The following NSMCE1 variants were observed in gnomAD, a reference collection of about 807,000 sequenced individuals.
The protein encoded by NSMCE1 is NSE1 component of SMC5/6 complex.
A neutral mutation model predicts 29.6 loss-of-function variants in NSMCE1; 18 were observed. That is an observed-to-expected ratio of 0.61 (90% CI 0.42 to 0.90). The LOEUF is 0.90. Ranked by LOEUF, NSMCE1 falls within the 40% of genes least tolerant of loss-of-function variation. NSMCE1 has a pLI of 0.00. For synonymous variants in NSMCE1, 124 were observed against 133.4 expected (o/e 0.93, Z 0.49); for missense variants, 314 against 343.6 (o/e 0.91, Z 0.68).
At chr16:27,237,113 G>A (rs776439211) in intron 2 of NSMCE1, among the ~76,000 whole-genome samples, 16 of 152,258 alleles carry the variant, frequency 1.1e-4, no homozygotes, top group Non-Finnish European at 1.6e-4. Flanking sequence ...AATGTGCCAT[G>A]CTCAGCGAGG....
At chr16:27,250,996 C>T (rs996592881) in intron 2 of NSMCE1, among the ~76,000 whole-genome samples, 5 of 147,466 alleles carry the variant, frequency 3.4e-5, no homozygotes, top group African/African-American at 9.8e-5. Context: ...CATGCACCAC[C>T]GTGCCCAGCT....
At chr16:27,248,907 C>G (rs2083990528) in intron 2 of NSMCE1, among the ~76,000 whole-genome samples, 1 of 152,096 alleles carries the variant, frequency 6.6e-6, no homozygotes, top group East Asian at 1.9e-4. Flanking sequence ...CAGCTCACTC[C>G]AACCTCTGCC....
intron 1 of NSMCE1, among the ~76,000 whole-genome samples, chr16:27,260,783 TG>T (rs1480068936): frequency 7.0e-6 from 1 of 143,276 alleles, no homozygotes; most frequent in East Asian, 2.1e-4. Context: ...TGCTTGAGCC[TG>T]GGAGGTCGAG....
At chr16:27,240,622 C>T (rs775712237) in intron 2 of NSMCE1, among the ~76,000 whole-genome samples, 3 of 152,170 alleles carry the variant, frequency 2.0e-5, no homozygotes, top group Admixed American at 6.5e-5. Context: ...ACAGGAAATG[C>T]CCATCAGTGG....
At chr16:27,255,674 C>A (rs2084079503) in intron 2 of NSMCE1, among the ~76,000 whole-genome samples, 1 of 152,326 alleles carries the variant, frequency 6.6e-6, no homozygotes, top group South Asian at 2.1e-4. Flanking sequence ...TCTTCTCCGT[C>A]TAACACGCCA....
At chr16:27,268,224 G>C (rs1304047194) in intron 1 of NSMCE1, 4 of 152,080 alleles carry the variant, frequency 2.6e-5, no homozygotes, top group African/African-American at 7.2e-5. Context: ...TGTAACATAA[G>C]CGGCTGCGGA....
intron 2 of NSMCE1, 48 bp from the exon 3 acceptor site, chr16:27,235,347 C>CA (rs1468781698): frequency 6.3e-7 from 1 of 1,594,878 alleles, no homozygotes; most frequent in East Asian, 2.2e-5. Context: ...GGGGCCTCAT[C>CA]AAAAAAATGT....
intron 2 of NSMCE1, among the ~76,000 whole-genome samples, chr16:27,246,678 C>G (rs1475426579): frequency 6.6e-6 from 1 of 152,164 alleles, no homozygotes; most frequent in African/African-American, 2.4e-5. Context: ...TATGTAGATA[C>G]AGTGTTTCGC....
rs1180969453 is a variant in NSMCE1 at position 27,233,021 on chromosome 16, G to A, written c.463C>T (p.Gln155Ter). 2.5e-6 allele frequency: 4 copies of A among 1,614,110 alleles called. No individual in the cohort carries two copies. Among genetic ancestry groups the A allele is most frequent in the Non-Finnish European group, 8.5e-7 (1 of 1,179,996 alleles). The stretch of plus-strand genomic sequence containing the variant: ...AGTACCTCAATCAGCCACTTGTTTT[G>A]AACAAACTTCTGCAGCACCTGCTCC... ...EAEQVLQKFV[Q>*]NKWLIEKEGE... Residue 155 changes from glutamine (Q) to a stop codon, truncating the protein, a stop_gained, in exon 5 of 8, where the codon CAA becomes TAA. Transcript: ENST00000361439. LOFTEE classifies it high-confidence loss of function.
chr16:27,248,727 A>T (rs1252096645), intron 2 of NSMCE1, among the ~76,000 whole-genome samples: 1 of 150,624 alleles, frequency 6.6e-6, no homozygotes, highest in Non-Finnish European at 1.5e-5. Flanking sequence ...TTAAATGTCT[A>T]ATGATGTTGA....
At chr16:27,239,647 G>C (rs916516233) in intron 2 of NSMCE1, among the ~76,000 whole-genome samples, 3 of 152,168 alleles carry the variant, frequency 2.0e-5, no homozygotes, top group African/African-American at 7.2e-5. Context: ...TCAGAGGCTG[G>C]TTCTCTGCAC....
At chr16:27,234,812 T>A (rs1185623133) in intron 3 of NSMCE1, among the ~76,000 whole-genome samples, 2 of 152,208 alleles carry the variant, frequency 1.3e-5, no homozygotes, top group Non-Finnish European at 2.9e-5. Flanking sequence ...TGGCTGTATT[T>A]CACTCCTGGC....
chr16:27,235,328 G>A, intron 2 of NSMCE1, 29 bp from the exon 3 acceptor site: 1 of 1,607,380 alleles, frequency 6.2e-7, no homozygotes, highest in Non-Finnish European at 8.5e-7. Context: ...AAAAAAGGGG[G>A]GTGACCAGGG....
At chr16:27,226,453 T>A (rs550381994) in intron 6 of NSMCE1, 1 of 442,180 alleles carries the variant, frequency 2.3e-6, no homozygotes, top group African/African-American at 2.0e-5. Flanking sequence ...CACAGAACAC[T>A]CAGCCTTCCT....
chr16:27,242,253 G>T (rs1387289453), intron 2 of NSMCE1, among the ~76,000 whole-genome samples: 2 of 152,220 alleles, frequency 1.3e-5, no homozygotes, highest in African/African-American at 2.4e-5. Flanking sequence ...AAAAATGAGT[G>T]TTGTGTGACA....
intron 1 of NSMCE1, among the ~76,000 whole-genome samples, chr16:27,262,014 G>A (rs1043989768): frequency 1.1e-4 from 17 of 152,120 alleles, no homozygotes; most frequent in South Asian, 6.2e-4. Context: ...AGGCCAAGGC[G>A]GGCAGATCAC....
chr16:27,247,962 T>C (rs1174422137), intron 2 of NSMCE1, among the ~76,000 whole-genome samples: 1 of 151,432 alleles, frequency 6.6e-6, no homozygotes, highest in African/African-American at 2.4e-5. Context: ...CAAAACAAAA[T>C]TGCTTTATAC....
intron 2 of NSMCE1, among the ~76,000 whole-genome samples, chr16:27,251,188 ATAAATATATATATATATAT>A (rs879752856): frequency 0.033 from 1,877 of 57,018 alleles, 45 homozygotes; most frequent in East Asian, 0.059. Flanking sequence ...ATATATATAT[ATAAATATATATATATATAT>A]AAAACTCTGT....
At chr16:27,225,989 A>C in intron 6 of NSMCE1, 143 bp from the exon 7 acceptor site, 2 of 941,670 alleles carry the variant, frequency 2.1e-6, no homozygotes, top group Non-Finnish European at 1.6e-6. Context: ...AATAATCCCA[A>C]ACGCCTTAGT....
Sources: gnomAD v4.1 joint callset for allele counts (sites outside exome capture counted in the v4.1 genomes callset) on GRCh38, gnomAD v4.1.1 for gene constraint, MANE v1.5 for transcripts, NCBI Gene and HGNC (gene_info 2026-07-23, HGNC 2026-07-21) for gene names.